OTOP1: variants seen among roughly 807,000 people sequenced by gnomAD.
OTOP1 encodes otopetrin 1, also known as proton channel OTOP1.
Under a neutral mutation model 52.9 loss-of-function variants are expected in OTOP1, and 59 were observed. The observed-to-expected ratio is 1.12, with a 90% confidence interval of 0.91 to 1.39. The LOEUF is 1.39. OTOP1 is among the 40% of genes most tolerant of loss of function. OTOP1 has a pLI of 0.00. For synonymous variants in OTOP1, 317 were observed against 337.7 expected, an observed-to-expected ratio of 0.94 and a Z score of 0.67; for missense variants, 761 against 800.9, an observed-to-expected ratio of 0.95 and a Z score of 0.60.
At chr4:4,204,562 G>C (rs1188587903) in intron 3 of OTOP1, among the ~76,000 whole-genome samples, 2 of 152,024 alleles carry the variant, frequency 1.3e-5, no homozygotes, top group South Asian at 4.2e-4. Context: ...CCTCCTGTTG[G>C]CTTGATGTGG....
chr4:4,206,151 A>C, intron 2 of OTOP1, 21 bp from the exon 3 acceptor site: 1 of 1,574,892 alleles, frequency 6.3e-7, no homozygotes, highest in Non-Finnish European at 8.7e-7. Flanking sequence ...ATAAAGAAAG[A>C]AAAGAAAAAT....
chr4:4,212,476 C>A (rs984886841), intron 2 of OTOP1, among the ~76,000 whole-genome samples: 1 of 152,170 alleles, frequency 6.6e-6, no homozygotes, highest in East Asian at 1.9e-4. Flanking sequence ...TGTTGCATAA[C>A]TCTATGAACA....
intron 2 of OTOP1, among the ~76,000 whole-genome samples, chr4:4,209,745 G>C (rs962799448): frequency 6.6e-6 from 1 of 152,096 alleles, no homozygotes; most frequent in Non-Finnish European, 1.5e-5. Flanking sequence ...TAAGTAATTT[G>C]CCTGAAGTCA....
chr4:4,215,675 T>C (rs1212813185), intron 1 of OTOP1, among the ~76,000 whole-genome samples: 1 of 137,642 alleles, frequency 7.3e-6, no homozygotes, highest in East Asian at 1.9e-4. Flanking sequence ...AATATATATA[T>C]TAATATGAAA....
intron 5 of OTOP1, among the ~76,000 whole-genome samples, chr4:4,191,530 G>T (rs1716505417): frequency 6.6e-6 from 1 of 152,152 alleles, no homozygotes; most frequent in Admixed American, 6.5e-5. Flanking sequence ...CCTTCTTCCT[G>T]TTTCTCAAAC....
intron 4 of OTOP1, among the ~76,000 whole-genome samples, chr4:4,199,714 G>A (rs1376125173): frequency 6.6e-6 from 1 of 152,084 alleles, no homozygotes; most frequent in African/African-American, 2.4e-5. Flanking sequence ...CACCCGGCCA[G>A]GATGTGTTTT....
chr4:4,214,996 TC>T (rs1717108229), intron 1 of OTOP1, among the ~76,000 whole-genome samples: 1 of 152,172 alleles, frequency 6.6e-6, no homozygotes, highest in African/African-American at 2.4e-5. Context: ...TAAAATAAAT[TC>T]TAGCCCAGGC....
chr4:4,221,017 TTAC>T (rs1466965981), intron 1 of OTOP1, among the ~76,000 whole-genome samples: 6 of 151,456 alleles, frequency 4.0e-5, no homozygotes, highest in African/African-American at 1.5e-4. Context: ...CAGCTGGTAC[TTAC>T]TTTATTTATA....
intron 1 of OTOP1, among the ~76,000 whole-genome samples, chr4:4,221,925 C>T (rs1012764499): frequency 1.3e-5 from 2 of 152,108 alleles, no homozygotes; most frequent in African/African-American, 2.4e-5. Flanking sequence ...CTGGTGCTTA[C>T]TTTAGAATGC....
intron 1 of OTOP1, 81 bp downstream of exon 1, chr4:4,226,381 G>T (rs1717433123): frequency 1.2e-5 from 15 of 1,291,262 alleles, no homozygotes; most frequent in Admixed American, 7.5e-5. Context: ...GACGGCAGCG[G>T]TAGGAAGGGC....
intron 1 of OTOP1, among the ~76,000 whole-genome samples, chr4:4,213,915 C>G (rs1173633319): frequency 6.6e-6 from 1 of 152,088 alleles, no homozygotes; most frequent in African/African-American, 2.4e-5. Context: ...CGTGGTGAAA[C>G]CCGTCTCTAC....
chr4:4,198,282 G>A (rs1716699102), intron 4 of OTOP1, among the ~76,000 whole-genome samples, 179 bp from the exon 5 acceptor site: 1 of 152,140 alleles, frequency 6.6e-6, no homozygotes, highest in African/African-American at 2.4e-5. Flanking sequence ...ATAGCCCTGA[G>A]TATCCCCAAA....
chr4:4,216,508 C>T (rs1053696293), intron 1 of OTOP1, among the ~76,000 whole-genome samples: 9 of 152,274 alleles, frequency 5.9e-5, no homozygotes, highest in Non-Finnish European at 1.0e-4. Context: ...TGGGCTATAA[C>T]GTTACATCTC....
intron 5 of OTOP1, among the ~76,000 whole-genome samples, chr4:4,192,259 T>C (rs1716526408): frequency 6.6e-6 from 1 of 151,724 alleles, no homozygotes; most frequent in African/African-American, 2.4e-5. Flanking sequence ...CACCTGTGGG[T>C]GCCTCAGTCA....
chr4:4,191,829 C>T (rs1197797799), intron 5 of OTOP1, among the ~76,000 whole-genome samples: 1 of 152,166 alleles, frequency 6.6e-6, no homozygotes, highest in Non-Finnish European at 1.5e-5. Flanking sequence ...AGATCTTGGT[C>T]ATTGCTGTAC....
rs1340308019 is a variant in OTOP1 at position 4,202,553 on chromosome 4, T to C, written c.625A>G (p.Thr209Ala). 1.2e-6 allele frequency: 2 copies of C among 1,613,930 alleles called. No individual in the cohort carries two copies. The highest frequency in any genetic ancestry group is 3.3e-5 in the Admixed American group (2 of 59,996). Residue 209 changes from threonine to alanine, a missense_variant, in exon 4 of 6, where the codon ACC becomes GCC. By Grantham distance (58) the Thr-to-Ala change is moderately conservative. Transcript: ENST00000296358. ...ERFGVIHSVF[T>A]NLLLWANGVL... is the part of the protein sequence containing the mutation. ...CCATTGGCCCACAGAAGCAGGTTGG[T>C]GAACACCGAGTGGATCACTCCAAAC...
In OTOP1 at chr4:4,197,415, G is replaced by C; in HGVS notation, c.1419C>G (p.Pro473=). The C allele has an allele frequency of 1.2e-6, 2 of 1,614,070 alleles. No individual in the cohort carries two copies. Among genetic ancestry groups the C allele is most frequent in the Non-Finnish European group, 1.7e-6 (2 of 1,180,022 alleles). The part of the protein sequence containing the change: ...VVTVCNGNTM[P]LASSCPKSGG... ...CACTCTTGGGGCAGGAAGAAGCAAG[G>C]GGCATGGTGTTGCCATTGCAGACTG... Residue 473 remains proline (P), a synonymous_variant, in exon 5 of 6, where the codon CCC becomes CCG. Coordinates refer to ENST00000296358, the MANE Select transcript of OTOP1 (RefSeq NM_177998.3).
intron 1 of OTOP1, among the ~76,000 whole-genome samples, chr4:4,216,097 C>A (rs1394025879): frequency 6.6e-6 from 1 of 151,840 alleles, no homozygotes. Flanking sequence ...CTGAGCCCGG[C>A]TGAAAGTATA....
In OTOP1 at chr4:4,202,434, C is replaced by T; in HGVS notation, c.730+14G>A. 1 of 1,612,778 alleles carries T rather than the reference C, an allele frequency of 6.2e-7. No homozygotes were observed. The highest frequency in any genetic ancestry group is 8.5e-7 in the Non-Finnish European group (1 of 1,178,998). Reference sequence around the variant, plus strand: ...AACATGGCAGAAGGGCCACTCACCTCTCTCACCACTCACCTGTTGTTATGT... The same window carrying T: ...AACATGGCAGAAGGGCCACTCACCTTTCTCACCACTCACCTGTTGTTATGT... On this transcript the variant is annotated intron_variant, in intron 4 of 5. Coordinates refer to ENST00000296358, the MANE Select transcript of OTOP1 (RefSeq NM_177998.3).
Sources: allele counts gnomAD v4.1 joint callset (sites outside exome capture counted in the v4.1 genomes callset), GRCh38; gene constraint gnomAD v4.1.1; transcripts MANE v1.5; gene names NCBI Gene and HGNC (gene_info 2026-07-23, HGNC 2026-07-21).